The following CASP5 variants were observed in gnomAD, a reference collection of about 807,000 sequenced individuals.
The protein encoded by CASP5 is caspase 5.
CASP5 carries 42 observed loss-of-function variants against 45.2 expected under a neutral mutation model. The ratio of observed to expected loss-of-function variants is 0.93; its 90% CI spans 0.73 to 1.20. The LOEUF is 1.20. Ranked by LOEUF, CASP5 falls within the 50% of genes most tolerant of loss-of-function variation. CASP5 has a pLI of 0.00. For synonymous variants in CASP5, 209 were observed against 186.2 expected, an observed-to-expected ratio of 1.12 and a Z score of -1.00; for missense variants, 512 against 532.2, an observed-to-expected ratio of 0.96 and a Z score of 0.37.
intron 1 of CASP5, among the ~76,000 whole-genome samples, chr11:105,009,697 A>G (rs779690644): frequency 5.3e-4 from 73 of 136,482 alleles, no homozygotes; most frequent in South Asian, 1.4e-3. Context: ...TCAGATTTTT[A>G]CCAGGAGATA....
intron 8 of CASP5, among the ~76,000 whole-genome samples, 182 bp from the exon 9 acceptor site, chr11:104,996,024 C>A (rs1861456270): frequency 6.6e-6 from 1 of 152,150 alleles, no homozygotes; most frequent in Admixed American, 6.5e-5. Context: ...CCATGTCATA[C>A]TGTACACTTT....
At chr11:105,002,274 G>C in intron 4 of CASP5, 73 bp from the exon 5 acceptor site, 1 of 1,398,212 alleles carries the variant, frequency 7.2e-7, no homozygotes, top group Non-Finnish European at 1.0e-6. Flanking sequence ...TCACAATTTT[G>C]CTTTTTTAAG....
chr11:105,008,915 C>G lies in CASP5; in HGVS notation c.73G>C (p.Gly25Arg), dbSNP rs767074087. 1.2e-6 allele frequency: 2 copies of G among 1,612,768 alleles called. No homozygotes were observed. Among genetic ancestry groups the G allele is most frequent in the Non-Finnish European group, 8.5e-7 (1 of 1,179,132 alleles). ...TGGTTTATCACGAAGTTATCCAATC[C>G]ACTCTGAAGGATACCTTTGAACATA... ...EAMFKGILQS[G>R]LDNFVINHML... Residue 25 changes from glycine (G) to arginine (R), a missense_variant, in exon 2 of 10, where the codon GGA becomes CGA. Gly to Arg is a moderately radical substitution (Grantham distance 125). Transcript: ENST00000260315.
At chr11:105,000,759 A>G (rs1420118765) in intron 5 of CASP5, among the ~76,000 whole-genome samples, 2 of 150,876 alleles carry the variant, frequency 1.3e-5, no homozygotes, top group Non-Finnish European at 2.9e-5. Context: ...TTTATATGTT[A>G]CTTATATTAC....
At chr11:105,014,792 A>G (rs564491628) in intron 1 of CASP5, among the ~76,000 whole-genome samples, 1 of 152,322 alleles carries the variant, frequency 6.6e-6, no homozygotes, top group African/African-American at 2.4e-5. Context: ...AAGTGGAAAG[A>G]TAGATATGCA....
intron 7 of CASP5, 95 bp downstream of exon 7, chr11:104,998,789 GC>G: frequency 8.3e-7 from 1 of 1,202,082 alleles, no homozygotes; most frequent in Non-Finnish European, 1.2e-6. Flanking sequence ...CATTCTCTCA[GC>G]TCATTGTTGC....
At chr11:105,016,751 G>T (rs1332467325) in intron 1 of CASP5, among the ~76,000 whole-genome samples, 1 of 152,144 alleles carries the variant, frequency 6.6e-6, no homozygotes, top group Non-Finnish European at 1.5e-5. Flanking sequence ...CATTGCCCAG[G>T]CTTGCTTAGG....
rs781424371 is a variant in CASP5 at position 105,008,986 on chromosome 11, A to G, written c.8-6T>C. ...TTTTTTTTTGCCACTGTCTTCTATC[A>G]GAAATATAAAGACTCCTTCAACTCT... On this transcript the variant is annotated splice_region_variant and splice_polypyrimidine_tract_variant and intron_variant, in intron 1 of 9. Transcript: ENST00000260315. 49 of 1,611,408 alleles carry G rather than the reference A, an allele frequency of 3.0e-5. No homozygotes were observed. Among genetic ancestry groups the G allele is most frequent in the Non-Finnish European group, 3.1e-5 (37 of 1,178,882 alleles).
chr11:105,007,460 G>A lies in CASP5; in HGVS notation c.182-126C>T, dbSNP rs1565386044. 5 of 899,028 alleles carry A rather than the reference G, an allele frequency of 5.6e-6. No individual in the cohort carries two copies. In the South Asian group the frequency reaches 6.8e-5, roughly 12 times the overall value. 55.7% of individuals were successfully genotyped at this position (899,028 alleles called of 1,614,324 possible). A position where few individuals can be genotyped will look rare whatever the true frequency, so the allele number is the denominator to read the frequency against. The stretch of plus-strand genomic sequence containing the variant: ...CATTCTATTTTACCATGTCTCCAGC[G>A]AATAACACACATCTTTTTTTGCAAC... On this transcript the variant is annotated intron_variant, in intron 2 of 9. Transcript: ENST00000260315.
In CASP5 at chr11:104,995,900, T is replaced by TA. The variant is rs1861449612; in HGVS notation, c.1207-59dup. ...GATTTTGGGTTCTCAGAATGCATCT[T>TA]ACACCATGAACCAGGAAATGCCTGA... On this transcript the variant is annotated intron_variant, in intron 8 of 9. Transcript: ENST00000260315. The TA allele has an allele frequency of 8.3e-6, 9 of 1,081,494 alleles. No individual in the cohort carries two copies. In the Admixed American group the frequency reaches 1.5e-4, roughly 17 times the overall value. The allele number at this position is 1,081,494 out of a possible 1,614,324, so 67.0% of individuals were successfully genotyped here. A position where few individuals can be genotyped will look rare whatever the true frequency, so the allele number is the denominator to read the frequency against.
At chr11:105,004,545 G>A (rs2134711772) in intron 3 of CASP5, among the ~76,000 whole-genome samples, 2 of 152,172 alleles carry the variant, frequency 1.3e-5, no homozygotes, top group East Asian at 3.9e-4. Flanking sequence ...ATACTTTTAT[G>A]TTTGGTTACG....
chr11:105,007,426 C>G, intron 2 of CASP5, 92 bp from the exon 3 acceptor site: 1 of 1,196,488 alleles, frequency 8.4e-7, no homozygotes, highest in Non-Finnish European at 1.2e-6. Context: ...TGAAACTCCT[C>G]TAAAAATACA....
At chr11:105,017,280 G>A (rs1475759254) in intron 1 of CASP5, among the ~76,000 whole-genome samples, 29 of 152,036 alleles carry the variant, frequency 1.9e-4, no homozygotes, top group African/African-American at 4.3e-4. Flanking sequence ...GCAGTTCCTC[G>A]CCAGCAACGG....
chr11:105,002,407 A>C (rs901238119), intron 4 of CASP5, among the ~76,000 whole-genome samples: 2 of 152,190 alleles, frequency 1.3e-5, no homozygotes, highest in Non-Finnish European at 2.9e-5. Flanking sequence ...TGAGGAAACT[A>C]GAATAATTCC....
chr11:104,998,894 A>G lies in CASP5; in HGVS notation c.1087T>C (p.Ser363Pro). The stretch of plus-strand genomic sequence containing the variant: ...ACTAAAAGACACATACGTGGTGTTG[A>G]AGAACAGAAAGCAATGAAGTCCTTC... ...EEKDFIAFCS[S>P]TPHNVSWRDR... is the part of the protein sequence containing the mutation. Residue 363 changes from serine to proline, a missense_variant, in exon 7 of 10, where the codon TCA becomes CCA. Ser to Pro is a moderately conservative substitution (Grantham distance 74, BLOSUM62 -1). Coordinates refer to ENST00000260315, the MANE Select transcript of CASP5 (RefSeq NM_004347.5). 6.2e-7 allele frequency: 1 copy of G among 1,612,984 alleles called. No individual in the cohort carries two copies. The highest frequency in any genetic ancestry group is 2.2e-5 in the East Asian group (1 of 44,860).
At chr11:105,009,972 TA>T (rs144443147) in intron 1 of CASP5, among the ~76,000 whole-genome samples, 8,363 of 149,218 alleles carry the variant, frequency 0.056, 229 homozygotes, top group African/African-American at 0.062. Context: ...ATAAATCACT[TA>T]TTTCAATACA....
At chr11:105,015,752 CAAAAAA>C (rs34623702) in intron 1 of CASP5, among the ~76,000 whole-genome samples, 1 of 136,964 alleles carries the variant, frequency 7.3e-6, no homozygotes, top group African/African-American at 2.6e-5. Flanking sequence ...ATAAAATAGA[CAAAAAA>C]AAAAAAAATT....
intron 1 of CASP5, among the ~76,000 whole-genome samples, chr11:105,016,887 T>C (rs1224531537): frequency 2.0e-5 from 3 of 151,690 alleles, no homozygotes; most frequent in Admixed American, 2.0e-4. Context: ...CAGTAACCTC[T>C]GCAGACTTAA....
At chr11:105,022,982 A>G (rs1341144096) in intron 1 of CASP5, 148 bp downstream of exon 1, 1 of 744,730 alleles carries the variant, frequency 1.3e-6, no homozygotes, top group Non-Finnish European at 2.3e-6. Flanking sequence ...CAGGATTCAA[A>G]CTACATACCA....
Sources: gnomAD v4.1 joint callset for allele counts (sites outside exome capture counted in the v4.1 genomes callset) on GRCh38, gnomAD v4.1.1 for gene constraint, MANE v1.5 for transcripts, NCBI Gene and HGNC (gene_info 2026-07-23, HGNC 2026-07-21) for gene names.